EML6: variants seen among roughly 807,000 people sequenced by gnomAD.
The protein encoded by EML6 is EMAP like 6.
In EML6, 154 loss-of-function variants were observed where a neutral mutation model predicts 240.1. That is an observed-to-expected ratio of 0.64 (90% confidence interval 0.56 to 0.73). The LOEUF is 0.73. Among genes scored for constraint, EML6 ranks in the 30% least tolerant of loss-of-function variants. The pLI is 0.00. For synonymous variants in EML6, 1,148 were observed against 899.0 expected (o/e 1.28, Z -4.95); for missense variants, 2,964 against 2,474.6 (o/e 1.20, Z -4.20).
chr2:54,836,520 T>G (rs1669152140), intron 7 of EML6, among the ~76,000 whole-genome samples: 2 of 152,264 alleles, frequency 1.3e-5, no homozygotes, highest in Middle Eastern at 3.4e-3. Flanking sequence ...AGTCCACGCT[T>G]AGGATGACCT....
chr2:54,843,303 C>G (rs1217760874), intron 7 of EML6, among the ~76,000 whole-genome samples: 1 of 152,100 alleles, frequency 6.6e-6, no homozygotes, highest in African/African-American at 2.4e-5. Context: ...TGTTGCACAC[C>G]TGTAGTCCCA....
chr2:54,821,854 ATAAC>A (rs1668350277), intron 5 of EML6, among the ~76,000 whole-genome samples: 1 of 152,086 alleles, frequency 6.6e-6, no homozygotes, highest in Non-Finnish European at 1.5e-5. Flanking sequence ...AAACTATAAA[ATAAC>A]TAGAGGAATA....
intron 28 of EML6, among the ~76,000 whole-genome samples, chr2:54,935,423 T>C (rs1675085705): frequency 6.6e-6 from 1 of 152,242 alleles, no homozygotes; most frequent in South Asian, 2.1e-4. Context: ...ATTACTATCA[T>C]TTGTAACTAC....
intron 28 of EML6, among the ~76,000 whole-genome samples, chr2:54,946,435 C>T (rs1675697300): frequency 6.6e-6 from 1 of 152,172 alleles, no homozygotes; most frequent in Admixed American, 6.6e-5. Flanking sequence ...GTCCTCATGC[C>T]TCCACTCCTT....
intron 7 of EML6, among the ~76,000 whole-genome samples, chr2:54,840,060 A>G (rs1285335455): frequency 6.6e-6 from 1 of 152,224 alleles, no homozygotes; most frequent in Non-Finnish European, 1.5e-5. Context: ...GATGTTGGAA[A>G]ATCATTAACT....
intron 2 of EML6, among the ~76,000 whole-genome samples, chr2:54,735,407 T>C (rs902815362): frequency 2.0e-5 from 3 of 152,252 alleles, no homozygotes; most frequent in African/African-American, 4.8e-5. Flanking sequence ...GAGATTTCTA[T>C]AGAACTCATT....
intron 24 of EML6, 133 bp from the exon 25 acceptor site, chr2:54,910,821 A>G: frequency 1.8e-6 from 1 of 557,612 alleles, no homozygotes; most frequent in Non-Finnish European, 3.3e-6. Context: ...CCTTCTGAAT[A>G]ATTCAAAATG....
intron 35 of EML6, among the ~76,000 whole-genome samples, chr2:54,961,248 G>T (rs1676499922): frequency 7.5e-6 from 1 of 133,242 alleles, no homozygotes; most frequent in Non-Finnish European, 1.6e-5. Context: ...ACTGTGGCAT[G>T]ATCTCAACTC....
At chr2:54,911,111 C>T in intron 25 of EML6, 69 bp downstream of exon 25, 1 of 801,230 alleles carries the variant, frequency 1.2e-6, no homozygotes, top group South Asian at 1.7e-5. Flanking sequence ...TTAATAAAAC[C>T]TATCACGTTA....
chr2:54,886,887 CAG>C (rs1431622714), intron 17 of EML6, among the ~76,000 whole-genome samples: 2 of 152,116 alleles, frequency 1.3e-5, no homozygotes, highest in Non-Finnish European at 2.9e-5. Context: ...CCTGTCACAT[CAG>C]AAAAGATAAA....
At position 54,809,989 on chromosome 2, in the gene EML6, C is replaced by G. The variant is rs575535511; in HGVS notation, c.198-3243C>G. Among the ~76,000 whole-genome samples, 299 of 152,244 alleles carry G rather than the reference C, an allele frequency of 2.0e-3. 2 individuals carry two copies. Among genetic ancestry groups the G allele is most frequent in the African/African-American group, 6.8e-3 (283 of 41,524 alleles). ...AATAGTAAAGTGAATAAAGGTGGTT[C>G]TCTGTTCTTGCTATTCTTGACATGG... On this transcript the variant is annotated intron_variant, in intron 2 of 41. Transcript: ENST00000356458.
intron 28 of EML6, among the ~76,000 whole-genome samples, chr2:54,934,773 A>T (rs912404042): frequency 2.0e-5 from 3 of 152,104 alleles, no homozygotes; most frequent in African/African-American, 7.2e-5. Context: ...GGGTGTTCTC[A>T]AACTCTTTGG....
At chr2:54,933,449 T>C (rs1674965619) in intron 28 of EML6, among the ~76,000 whole-genome samples, 1 of 152,130 alleles carries the variant, frequency 6.6e-6, no homozygotes, top group Non-Finnish European at 1.5e-5. Context: ...CTATTCTATA[T>C]ATAGGCCAGG....
At chr2:54,869,127 C>T (rs1671121998) in intron 14 of EML6, 54 bp from the exon 15 acceptor site, 5 of 1,241,150 alleles carry the variant, frequency 4.0e-6, no homozygotes, top group Non-Finnish European at 4.5e-6. Flanking sequence ...ACCTCCTGCT[C>T]CATGCATTTG....
In EML6 at chr2:54,767,620, GTGTGTGTGTGTA is replaced by G. The variant is rs1213009655; in HGVS notation, c.197+42374_197+42385del. Among the ~76,000 whole-genome samples, 236 of 145,008 alleles carry G rather than the reference GTGTGTGTGTGTA, an allele frequency of 1.6e-3. 1 individual carries two copies. Among genetic ancestry groups the G allele is most frequent in the Non-Finnish European group, 2.9e-3 (192 of 65,272 alleles). ...AGAGTGTGTGTGTGTGTGTGTGTGT[GTGTGTGTGTGTA>G]TGTGTGTGTGTGTATGTTGCAAAAA... is the stretch of plus-strand genomic sequence containing the variant. On this transcript the variant is annotated intron_variant, in intron 2 of 41. Transcript: ENST00000356458.
chr2:54,953,376 C>T (rs1470698451), intron 31 of EML6, among the ~76,000 whole-genome samples: 1 of 152,186 alleles, frequency 6.6e-6, no homozygotes, highest in African/African-American at 2.4e-5. Flanking sequence ...GTCATTCTAT[C>T]ATGTTTGCTG....
chr2:54,868,092 T>C (rs1033041993), intron 14 of EML6: 1 of 152,186 alleles, frequency 6.6e-6, no homozygotes, highest in South Asian at 2.1e-4. Context: ...ATGTAAGATA[T>C]CTCATAAGTT....
chr2:54,789,430 C>T (rs888023367), intron 2 of EML6, among the ~76,000 whole-genome samples: 8 of 137,734 alleles, frequency 5.8e-5, no homozygotes, highest in Non-Finnish European at 9.2e-5. Flanking sequence ...AGGAGAATGG[C>T]GTGAACCCGG....
intron 2 of EML6, among the ~76,000 whole-genome samples, chr2:54,791,105 A>G (rs891372396): frequency 5.3e-5 from 8 of 152,202 alleles, no homozygotes; most frequent in African/African-American, 1.9e-4. Flanking sequence ...TTTCTTCTGA[A>G]TAAATATTAC....
Sources: gnomAD v4.1 joint callset for allele counts (sites outside exome capture counted in the v4.1 genomes callset) on GRCh38, gnomAD v4.1.1 for gene constraint, MANE v1.5 for transcripts, NCBI Gene and HGNC (gene_info 2026-07-23, HGNC 2026-07-21) for gene names.